TMEM62: variants seen among roughly 807,000 people sequenced by gnomAD.
TMEM62 encodes the protein transmembrane protein 62.
A neutral mutation model predicts 70.4 loss-of-function variants in TMEM62; 41 were observed. The observed-to-expected ratio is 0.58, with a 90% CI of 0.45 to 0.76. TMEM62 has a LOEUF of 0.76. Ranked by LOEUF, TMEM62 falls within the 30% of genes least tolerant of loss-of-function variation. The pLI, the probability that TMEM62 is intolerant of heterozygous loss-of-function variation, is 0.00. For missense variants in TMEM62, 688 were observed against 788.5 expected (o/e 0.87, Z 1.53); for synonymous variants, 268 against 291.0 (o/e 0.92, Z 0.80).
intron 10 of TMEM62, among the ~76,000 whole-genome samples, chr15:43,163,618 T>TAAAAATAC (rs2039023163): frequency 6.6e-6 from 1 of 151,890 alleles, no homozygotes; most frequent in African/African-American, 2.4e-5. Flanking sequence ...CCGTCTCTAC[T>TAAAAATAC]AAAAATACAA....
intron 12 of TMEM62, among the ~76,000 whole-genome samples, chr15:43,180,093 C>T (rs186893044): frequency 6.6e-6 from 1 of 152,236 alleles, no homozygotes; most frequent in African/African-American, 2.4e-5. Flanking sequence ...CTTTTTAAAG[C>T]TGAACCCTAT....
intron 3 of TMEM62, among the ~76,000 whole-genome samples, chr15:43,136,062 G>GA (rs934042924): frequency 6.6e-6 from 1 of 151,836 alleles, no homozygotes; most frequent in African/African-American, 2.4e-5. Flanking sequence ...TCTGTACATG[G>GA]AAAAAATATG....
intron 10 of TMEM62, 91 bp from the exon 11 acceptor site, chr15:43,169,502 A>G (rs993892800): frequency 2.5e-5 from 28 of 1,114,534 alleles, no homozygotes; most frequent in African/African-American, 9.3e-5. Flanking sequence ...CACAGATGCC[A>G]TTTCCATTTT....
In TMEM62 at chr15:43,170,655, C is replaced by CA. The variant is rs1260856287; in HGVS notation, c.1381+984dup. Among the ~76,000 whole-genome samples the CA allele has an allele frequency of 7.9e-5, 12 of 152,078 alleles. No individual in the cohort carries two copies. In the East Asian group the frequency reaches 2.3e-3, roughly 29 times the overall value. ...AATCTTTGTTTCTTAGGTCAGTTCC[C>CA]AAAAAAGTAAAGAAAAAAACCTTCC... On this transcript the variant is annotated intron_variant, in intron 11 of 13. Transcript: ENST00000260403.
At chr15:43,135,869 C>T (rs960699042) in intron 3 of TMEM62, 3 of 415,786 alleles carry the variant, frequency 7.2e-6, no homozygotes, top group African/African-American at 6.2e-5. Flanking sequence ...GTGACATATG[C>T]TGCTTCTTTT....
chr15:43,142,536 C>T (rs908296741), intron 4 of TMEM62, among the ~76,000 whole-genome samples: 2 of 152,132 alleles, frequency 1.3e-5, no homozygotes, highest in South Asian at 4.1e-4. Flanking sequence ...GAAATTACCA[C>T]AGCCACCCCA....
intron 5 of TMEM62, 99 bp from the exon 6 acceptor site, chr15:43,148,656 A>G (rs1205748081): frequency 2.8e-6 from 4 of 1,406,750 alleles, no homozygotes; most frequent in Admixed American, 2.2e-5. Context: ...GACACATATA[A>G]TAATTATTAT....
intron 11 of TMEM62, among the ~76,000 whole-genome samples, chr15:43,171,287 G>GATC (rs2040158851): frequency 6.6e-6 from 1 of 151,336 alleles, no homozygotes; most frequent in Admixed American, 6.6e-5. Flanking sequence ...AGTGAGCCGA[G>GATC]ATCATGTCAC....
intron 10 of TMEM62, among the ~76,000 whole-genome samples, chr15:43,163,449 G>A (rs2038993165): frequency 6.6e-6 from 1 of 151,802 alleles, no homozygotes; most frequent in East Asian, 1.9e-4. Context: ...TAGGCTTGGG[G>A]AATTTTGATA....
intron 13 of TMEM62, among the ~76,000 whole-genome samples, chr15:43,182,166 C>T (rs1044987086): frequency 2.6e-5 from 4 of 152,200 alleles, no homozygotes; most frequent in Non-Finnish European, 4.4e-5. Flanking sequence ...AGAAAAACTA[C>T]ATAAACAGAT....
intron 9 of TMEM62, among the ~76,000 whole-genome samples, chr15:43,157,170 C>T (rs2038145389): frequency 6.6e-6 from 1 of 152,092 alleles, no homozygotes; most frequent in Non-Finnish European, 1.5e-5. Flanking sequence ...GCAACTAGAC[C>T]TTTAGATCAA....
chr15:43,141,727 C>G (rs2036043936), intron 4 of TMEM62, among the ~76,000 whole-genome samples: 1 of 152,156 alleles, frequency 6.6e-6, no homozygotes, highest in Admixed American at 6.5e-5. Flanking sequence ...AAGGATTCAC[C>G]ATTCTAGATG....
At chr15:43,180,548 A>T (rs994755001) in intron 12 of TMEM62, 58 of 152,324 alleles carry the variant, frequency 3.8e-4, no homozygotes, top group African/African-American at 1.4e-3. Context: ...AATAATACCT[A>T]GAAACTCACA....
At chr15:43,163,492 C>T (rs1412825826) in intron 10 of TMEM62, among the ~76,000 whole-genome samples, 7 of 151,678 alleles carry the variant, frequency 4.6e-5, no homozygotes, top group East Asian at 1.9e-4. Context: ...TATTAAAATA[C>T]GGTTCTGGGG....
rs2038613531 is a variant in TMEM62 at position 43,160,789 on chromosome 15, A to C, written c.1291A>C (p.Ile431Leu). 1.3e-6 allele frequency: 2 copies of C among 1,565,254 alleles called. No individual in the cohort carries two copies. Among genetic ancestry groups the C allele is most frequent in the Non-Finnish European group, 1.8e-6 (2 of 1,142,296 alleles). ...ATTTATTCTCCGTACTGATCACTAC[A>C]TCATGGTAAGTGAATTCAATTAAAT... ...ASFILRTDHY[I>L]MARVLFVLIV... is the part of the protein sequence containing the mutation. Residue 431 changes from isoleucine (I) to leucine (L), a missense_variant, in exon 10 of 14, where the codon ATC (isoleucine) becomes CTC (leucine). Ile to Leu is a conservative substitution (Grantham distance 5, BLOSUM62 2). Coordinates refer to ENST00000260403, the MANE Select transcript of TMEM62 (RefSeq NM_024956.4).
In TMEM62 at chr15:43,149,151, G is replaced by A; in HGVS notation, c.866G>A (p.Arg289Lys). 1 of 1,613,268 alleles carries A rather than the reference G, an allele frequency of 6.2e-7. No homozygotes were observed. The highest frequency in any genetic ancestry group is 8.5e-7 in the Non-Finnish European group (1 of 1,179,734). The change falls in exon 7 of 14, where the codon AGG (arginine) becomes AAG (lysine). Residue 289 changes from arginine (R) to lysine (K), a missense_variant and splice_region_variant. Coordinates refer to ENST00000260403, the MANE Select transcript of TMEM62 (RefSeq NM_024956.4). ...GTGGGAGACTGGAAGGATAATAGGA[G>A]GTAAGGGAACCTCCCCATAGAAGAA... ...LEVGDWKDNR[R>K]YRIFAFDHDL...
chr15:43,170,459 G>A (rs1244825771), intron 11 of TMEM62, among the ~76,000 whole-genome samples: 1 of 152,162 alleles, frequency 6.6e-6, no homozygotes, highest in African/African-American at 2.4e-5. Context: ...ATGTCATTGT[G>A]AAGTAATAGT....
At chr15:43,147,554 A>G (rs2036833775) in intron 5 of TMEM62, among the ~76,000 whole-genome samples, 1 of 152,248 alleles carries the variant, frequency 6.6e-6, no homozygotes, top group Non-Finnish European at 1.5e-5. Flanking sequence ...TATAGAAATA[A>G]ATATAATAAA....
chr15:43,167,646 A>C (rs989162192), intron 10 of TMEM62, among the ~76,000 whole-genome samples: 12 of 138,130 alleles, frequency 8.7e-5, no homozygotes, highest in Non-Finnish European at 1.9e-4. Context: ...CAGACTGGGC[A>C]GCCAGGCAGA....
Sources: allele counts gnomAD v4.1 joint callset (sites outside exome capture counted in the v4.1 genomes callset), GRCh38; gene constraint gnomAD v4.1.1; transcripts MANE v1.5; gene names NCBI Gene and HGNC (gene_info 2026-07-23, HGNC 2026-07-21).